ADGRF5: variants seen among roughly 807,000 people sequenced by gnomAD.
The protein encoded by ADGRF5 is adhesion G protein-coupled receptor F5.
In ADGRF5, 75 loss-of-function variants were observed where a neutral mutation model predicts 132.3. That is an observed-to-expected ratio of 0.57 (90% confidence interval 0.47 to 0.69). The LOEUF (loss-of-function observed/expected upper bound fraction) is 0.69, where lower values mean the gene tolerates loss of function less well. ADGRF5 is among the 30% of genes least tolerant of loss of function. The probability of loss-of-function intolerance (pLI) is 0.00; values close to 1 mark genes in which losing one functional copy is unlikely to be tolerated. For synonymous variants in ADGRF5, 629 were observed against 597.6 expected (o/e 1.05, Z -0.77); for missense variants, 1,516 against 1,630.6 (o/e 0.93, Z 1.21).
At chr6:46,894,505 T>A (rs917385905) in intron 3 of ADGRF5, among the ~76,000 whole-genome samples, 1 of 152,138 alleles carries the variant, frequency 6.6e-6, no homozygotes, top group Non-Finnish European at 1.5e-5. Flanking sequence ...TCTTACCTAG[T>A]AAGATGAAGG....
chr6:46,900,537 T>C (rs927834340), intron 2 of ADGRF5, among the ~76,000 whole-genome samples: 1 of 152,144 alleles, frequency 6.6e-6, no homozygotes, highest in South Asian at 2.1e-4. Flanking sequence ...CTTTAACCAT[T>C]GTGTGTGCTT....
chr6:46,881,979 G>A (rs960379053), intron 7 of ADGRF5, 70 bp downstream of exon 7: 2 of 1,126,658 alleles, frequency 1.8e-6, no homozygotes, highest in African/African-American at 3.1e-5. Context: ...CTCTCTAGGG[G>A]GTTTACCTCC....
intron 3 of ADGRF5, among the ~76,000 whole-genome samples, chr6:46,898,711 T>TC (rs1277934899): frequency 3.9e-5 from 6 of 152,294 alleles, no homozygotes; most frequent in South Asian, 4.1e-4. Context: ...AACAGATGCC[T>TC]CCACTCTGAT....
intron 8 of ADGRF5, among the ~76,000 whole-genome samples, chr6:46,880,950 G>A (rs1581826375): frequency 6.6e-6 from 1 of 151,834 alleles, no homozygotes; most frequent in East Asian, 1.9e-4. Context: ...AAAAAAAAAT[G>A]TTAGCTGAGT....
intron 1 of ADGRF5, among the ~76,000 whole-genome samples, chr6:46,911,411 G>A (rs1374861378): frequency 2.0e-5 from 3 of 152,188 alleles, no homozygotes; most frequent in African/African-American, 7.2e-5. Flanking sequence ...GGAGGGACAG[G>A]AGTAATTACT....
upstream of ADGRF5, among the ~76,000 whole-genome samples, chr6:46,926,492 C>A (rs1777251355): frequency 6.7e-6 from 1 of 148,882 alleles, no homozygotes. Flanking sequence ...AGGGGGGGGG[C>A]AGTGCAGATT....
At position 46,878,411 on chromosome 6, in the gene ADGRF5, T is replaced by C. The variant is rs781208106; in HGVS notation, c.1037-6A>G. ...CAGTTTGCAAACATATTCACCTGCATAAAATACACAAAATCATGTATTATT... is the reference window on the plus strand; with the variant it reads ...CAGTTTGCAAACATATTCACCTGCACAAAATACACAAAATCATGTATTATT... On this transcript the variant is annotated splice_region_variant and splice_polypyrimidine_tract_variant and intron_variant, in intron 9 of 20. Transcript: ENST00000283296. 12 of 1,525,362 alleles carry C rather than the reference T, an allele frequency of 7.9e-6. No individual in the cohort carries two copies. The Admixed American group carries it at 1.9e-4, about 24-fold the overall frequency. 94.5% of individuals were successfully genotyped at this position (1,525,362 alleles called of 1,614,324 possible).
intron 3 of ADGRF5, among the ~76,000 whole-genome samples, chr6:46,898,651 T>A (rs1298367302): frequency 6.6e-6 from 1 of 152,194 alleles, no homozygotes; most frequent in East Asian, 1.9e-4. Flanking sequence ...AATTCTCATT[T>A]CAAGCGCTGG....
intron 11 of ADGRF5, among the ~76,000 whole-genome samples, chr6:46,869,893 T>A (rs1255941759): frequency 6.6e-6 from 1 of 152,108 alleles, no homozygotes; most frequent in Non-Finnish European, 1.5e-5. Flanking sequence ...TATATACTCC[T>A]CTAAGAAGCT....
chr6:46,865,346 T>G, intron 13 of ADGRF5, 149 bp from the exon 14 acceptor site: 1 of 601,586 alleles, frequency 1.7e-6, no homozygotes, highest in East Asian at 2.8e-5. Context: ...CTCTGGGTTT[T>G]GAAGTATGTA....
intron 4 of ADGRF5, among the ~76,000 whole-genome samples, chr6:46,885,691 C>A (rs2150847963): frequency 6.6e-6 from 1 of 152,232 alleles, no homozygotes; most frequent in African/African-American, 2.4e-5. Context: ...CCAGAGTGAG[C>A]AAAAAGGACC....
chr6:46,915,709 G>GAA (rs373637972), intron 1 of ADGRF5, among the ~76,000 whole-genome samples: 3 of 148,604 alleles, frequency 2.0e-5, no homozygotes, highest in African/African-American at 7.4e-5. Flanking sequence ...TATTCAGAAT[G>GAA]AAAAAAAAAA....
At chr6:46,863,381 A>C (rs1285321856) in intron 14 of ADGRF5, 1 of 494,774 alleles carries the variant, frequency 2.0e-6, no homozygotes, top group Non-Finnish European at 3.9e-6. Context: ...ATCATCTGGG[A>C]AGCTTTTGAA....
intron 10 of ADGRF5, among the ~76,000 whole-genome samples, chr6:46,873,659 A>G (rs990354402): frequency 6.6e-6 from 1 of 152,016 alleles, no homozygotes; most frequent in African/African-American, 2.4e-5. Context: ...TATAGCTCAA[A>G]TTTGGATGAC....
At position 46,872,010 on chromosome 6, in the gene ADGRF5, G is replaced by T. The variant is rs144571563; in HGVS notation, c.1244C>A (p.Thr415Asn). The T allele has an allele frequency of 1.4e-4, 216 of 1,590,868 alleles. No individual in the cohort carries two copies. In the African/African-American group the frequency reaches 2.7e-3, roughly 20 times the overall value. ...GCTAGAATCTATGTCTGTCTCAGGGGTTCCTATAATGAGAAGCAAATTGTT... is the reference window on the plus strand; with the variant it reads ...GCTAGAATCTATGTCTGTCTCAGGGTTTCCTATAATGAGAAGCAAATTGTT... The part of the protein sequence containing the change: ...KQEGKINIPG[T>N]PETDIDSSCS... The change falls in exon 11 of 21, where the codon ACC (threonine) becomes AAC (asparagine). Residue 415 changes from threonine to asparagine, a missense_variant. Physicochemically the swap from Thr to Asn is moderately conservative, Grantham distance 65. Around this residue, in one of 2 missense-constraint regions of ADGRF5, gnomAD observed 945 missense variants for 929.4 expected, o/e 1.02. Transcript: ENST00000283296.
chr6:46,880,623 G>T (rs1310720432), intron 8 of ADGRF5, among the ~76,000 whole-genome samples: 3 of 152,154 alleles, frequency 2.0e-5, no homozygotes, highest in Admixed American at 1.3e-4. Flanking sequence ...CCCACCCATA[G>T]CTGTGTGGCC....
At chr6:46,934,213 C>T (rs1777706760) in intron 1 of ADGRF5, among the ~76,000 whole-genome samples, 1 of 152,170 alleles carries the variant, frequency 6.6e-6, no homozygotes, top group Non-Finnish European at 1.5e-5. Context: ...CAAACATACA[C>T]ACACATGCAT....
intron 1 of ADGRF5, among the ~76,000 whole-genome samples, chr6:46,953,520 G>A (rs1463904055): frequency 6.6e-6 from 1 of 151,440 alleles, no homozygotes; most frequent in African/African-American, 2.4e-5. Flanking sequence ...TACTTGGGAG[G>A]CTGAGGCACA....
chr6:46,911,875 A>T (rs1459648521), intron 1 of ADGRF5, among the ~76,000 whole-genome samples: 1 of 152,188 alleles, frequency 6.6e-6, no homozygotes, highest in African/African-American at 2.4e-5. Flanking sequence ...GATGAACATT[A>T]TTAAAGAATA....
Sources: allele counts gnomAD v4.1 joint callset (sites outside exome capture counted in the v4.1 genomes callset), GRCh38; gene constraint gnomAD v4.1.1; regional missense constraint gnomAD v4.1.1; transcripts MANE v1.5; gene names NCBI Gene and HGNC (gene_info 2026-07-23, HGNC 2026-07-21).